SGIP1: variants seen among roughly 807,000 people sequenced by gnomAD.
The protein encoded by SGIP1 is SH3-containing GRB2-like protein 3-interacting protein 1.
In SGIP1, 38 loss-of-function variants were observed where a neutral mutation model predicts 107.5. The ratio of observed to expected loss-of-function variants is 0.35; its 90% CI spans 0.27 to 0.46. The LOEUF (loss-of-function observed/expected upper bound fraction) is 0.46, where lower values mean the gene tolerates loss of function less well. SGIP1 is among the 20% of genes least tolerant of loss of function. The pLI is 1.00. For synonymous variants in SGIP1, 365 were observed against 366.1 expected (o/e 1.00, Z 0.03); for missense variants, 929 against 1,019.5 (o/e 0.91, Z 1.21).
At chr1:66,642,956 G>T (rs1309719424) in intron 6 of SGIP1, 92 bp downstream of exon 6, 6 of 1,105,904 alleles carry the variant, frequency 5.4e-6, no homozygotes, top group Non-Finnish European at 7.9e-6. Flanking sequence ...TAAAATAACC[G>T]AATCTTCACA....
intron 1 of SGIP1, among the ~76,000 whole-genome samples, chr1:66,548,165 C>A (rs1420567304): frequency 6.6e-6 from 1 of 152,092 alleles, no homozygotes; most frequent in Non-Finnish European, 1.5e-5. Flanking sequence ...CATCTTTAGA[C>A]AATTACTTGG....
chr1:66,580,184 C>T (rs778214172), intron 1 of SGIP1, among the ~76,000 whole-genome samples: 61 of 152,132 alleles, frequency 4.0e-4, no homozygotes, highest in Non-Finnish European at 5.9e-4. Context: ...TGGCTTCCAT[C>T]ACACTCAGAA....
At chr1:66,576,355 G>A (rs2061066719) in intron 1 of SGIP1, among the ~76,000 whole-genome samples, 1 of 152,158 alleles carries the variant, frequency 6.6e-6, no homozygotes, top group Non-Finnish European at 1.5e-5. Flanking sequence ...GTAATGTGGG[G>A]TTAGGAGCAT....
intron 18 of SGIP1, among the ~76,000 whole-genome samples, chr1:66,716,953 T>C (rs566057): frequency 0.15 from 23,364 of 151,974 alleles, 1,979 homozygotes; most frequent in East Asian, 0.28. Flanking sequence ...TTAAAATGTG[T>C]CTGCTCAGTT....
intron 19 of SGIP1, among the ~76,000 whole-genome samples, chr1:66,722,993 A>C (rs906993097): frequency 2.6e-5 from 4 of 152,216 alleles, no homozygotes; most frequent in African/African-American, 4.8e-5. Flanking sequence ...TAGTTGTAGG[A>C]TATCCTCTAT....
intron 1 of SGIP1, among the ~76,000 whole-genome samples, chr1:66,582,833 AG>A (rs1394986381): frequency 6.6e-6 from 1 of 151,944 alleles, no homozygotes; most frequent in Admixed American, 6.6e-5. Context: ...AAGATAAATT[AG>A]CCCCAGATTC....
chr1:66,640,131 A>G (rs1178510182), intron 5 of SGIP1, among the ~76,000 whole-genome samples: 1 of 152,086 alleles, frequency 6.6e-6, no homozygotes, highest in East Asian at 1.9e-4. Flanking sequence ...TTCTTCTTCC[A>G]ATGTGGCCTA....
chr1:66,611,373 C>T (rs1045814203), intron 1 of SGIP1, among the ~76,000 whole-genome samples: 3 of 152,082 alleles, frequency 2.0e-5, no homozygotes, highest in Middle Eastern at 3.2e-3. Context: ...GAAGGGATAA[C>T]GGGGTTTAAA....
In SGIP1 at chr1:66,612,697, A is replaced by AT. The variant is rs566781546; in HGVS notation, c.11-13142dup. 5.5e-4 allele frequency among the ~76,000 whole-genome samples: 84 copies of AT among 152,196 alleles called. No individual in the cohort carries two copies. The East Asian group carries it at 0.013, about 24-fold the overall frequency. On this transcript the variant is annotated intron_variant, in intron 1 of 24. Coordinates refer to ENST00000371037, the MANE Select transcript of SGIP1 (RefSeq NM_032291.4). The stretch of plus-strand genomic sequence containing the variant: ...ATGTGAATTCTTGAGAGATTAAATG[A>AT]TTTTTTTTGATATTACACAGTTAGT...
chr1:66,563,648 G>A (rs938820863), intron 1 of SGIP1, among the ~76,000 whole-genome samples: 1 of 152,032 alleles, frequency 6.6e-6, no homozygotes, highest in Non-Finnish European at 1.5e-5. Flanking sequence ...CGGATGGAAT[G>A]TTTTGTTTAC....
At chr1:66,741,144 C>T (rs979030551) in intron 23 of SGIP1, 128 bp from the exon 24 acceptor site, 25 of 970,598 alleles carry the variant, frequency 2.6e-5, no homozygotes, top group Non-Finnish European at 3.7e-5. Context: ...CAATGATAAA[C>T]TCATTTAATC....
At chr1:66,670,404 G>T (rs1251581257) in intron 9 of SGIP1, among the ~76,000 whole-genome samples, 1 of 152,212 alleles carries the variant, frequency 6.6e-6, no homozygotes, top group Non-Finnish European at 1.5e-5. Flanking sequence ...GGGCCTAGTG[G>T]CAGGCAAGTG....
intron 1 of SGIP1, among the ~76,000 whole-genome samples, chr1:66,551,933 T>A (rs923186548): frequency 6.6e-6 from 1 of 152,172 alleles, no homozygotes. Flanking sequence ...GCACAACTTA[T>A]CAGTGTACCA....
rs1436351866 is a variant in SGIP1 at position 66,637,836 on chromosome 1, C to T, written c.171+1821C>T. ...GTATGTATATATGTGTGTACATATA[C>T]ATACACACATATATACATACACACA... On this transcript the variant is annotated intron_variant, in intron 4 of 24. Coordinates refer to ENST00000371037, the MANE Select transcript of SGIP1 (RefSeq NM_032291.4). Among the ~76,000 whole-genome samples, 21 of 147,662 alleles carry T rather than the reference C, an allele frequency of 1.4e-4. No individual in the cohort carries two copies. The South Asian group carries it at 4.1e-3, about 29-fold the overall frequency.
chr1:66,624,820 C>T (rs528048525), intron 1 of SGIP1, among the ~76,000 whole-genome samples: 2 of 152,188 alleles, frequency 1.3e-5, no homozygotes, highest in South Asian at 4.1e-4. Flanking sequence ...TACTCACTAA[C>T]AGAAGCACAA....
chr1:66,655,114 C>T (rs1013243800), intron 7 of SGIP1, among the ~76,000 whole-genome samples: 1 of 152,132 alleles, frequency 6.6e-6, no homozygotes, highest in African/African-American at 2.4e-5. Context: ...TAAATGTCCA[C>T]ACCTCAGAAC....
At position 66,745,258 on chromosome 1, in the gene SGIP1, T is replaced by A. The variant is rs2094537035; in HGVS notation, c.*2163T>A. On this transcript the variant is annotated 3_prime_UTR_variant, in exon 25 of 25. Transcript: ENST00000371037. Reference sequence around the variant, plus strand: ...ATCTCTAACATTATTCAAATCTTTCTAGGGATTAAATTAGAAACTATGAAG... The same window carrying A: ...ATCTCTAACATTATTCAAATCTTTCAAGGGATTAAATTAGAAACTATGAAG... 6.6e-6 allele frequency: 1 copy of A among 152,044 alleles called. No homozygotes were observed. Among genetic ancestry groups the A allele is most frequent in the African/African-American group, 2.4e-5 (1 of 41,460 alleles). 9.4% of individuals were successfully genotyped at this position (152,044 alleles called of 1,614,324 possible).
chr1:66,716,305 C>T (rs889715964), intron 18 of SGIP1, among the ~76,000 whole-genome samples: 1 of 152,128 alleles, frequency 6.6e-6, no homozygotes, highest in Non-Finnish European at 1.5e-5. Context: ...TGTCAATTCA[C>T]TTGGCAAGAC....
At chr1:66,597,488 G>A (rs963405130) in intron 1 of SGIP1, among the ~76,000 whole-genome samples, 3 of 152,158 alleles carry the variant, frequency 2.0e-5, no homozygotes, top group Admixed American at 6.5e-5. Context: ...TGGGAGGTAG[G>A]GGGAGTATTC....
Sources: allele counts gnomAD v4.1 joint callset (sites outside exome capture counted in the v4.1 genomes callset), GRCh38; gene constraint gnomAD v4.1.1; transcripts MANE v1.5; gene names NCBI Gene and HGNC (gene_info 2026-07-23, HGNC 2026-07-21).